The following LIN28B variants were observed in gnomAD, a reference collection of about 807,000 sequenced individuals.
LIN28B encodes the protein lin-28 RNA binding posttranscriptional regulator B.
Under a neutral mutation model 21.9 loss-of-function variants are expected in LIN28B, and 5 were observed. That is an observed-to-expected ratio of 0.23 (90% CI 0.12 to 0.48). The LOEUF is 0.48. Among genes scored for constraint, LIN28B ranks in the 20% least tolerant of loss-of-function variants. The pLI is 0.98. For missense variants in LIN28B, 245 were observed against 310.5 expected (o/e 0.79, Z 1.58); for synonymous variants, 109 against 111.3 (o/e 0.98, Z 0.13).
At chr6:104,947,767 G>A (rs191620439) in intron 2 of LIN28B, among the ~76,000 whole-genome samples, 7 of 144,580 alleles carry the variant, frequency 4.8e-5, no homozygotes, top group African/African-American at 1.0e-4. Context: ...AACATTTTGC[G>A]TACTTTTTTT....
At chr6:105,034,778 G>A (rs1771493311) in intron 3 of LIN28B, among the ~76,000 whole-genome samples, 1 of 152,036 alleles carries the variant, frequency 6.6e-6, no homozygotes, top group Non-Finnish European at 1.5e-5. Context: ...TATTTTTGTA[G>A]AGCCATAATT....
intron 2 of LIN28B, among the ~76,000 whole-genome samples, chr6:104,937,652 G>T (rs1315953557): frequency 6.6e-6 from 1 of 152,198 alleles, no homozygotes; most frequent in Middle Eastern, 3.4e-3. Context: ...CTTGTAATTC[G>T]TAAGTAAAAT....
intron 3 of LIN28B, among the ~76,000 whole-genome samples, chr6:105,040,588 A>T (rs1488581701): frequency 2.0e-5 from 3 of 152,026 alleles, no homozygotes; most frequent in Non-Finnish European, 4.4e-5. Flanking sequence ...TTGTATTTAC[A>T]TATAATGGGG....
intron 3 of LIN28B, among the ~76,000 whole-genome samples, chr6:105,065,969 C>G (rs1052527867): frequency 6.6e-6 from 1 of 152,128 alleles, no homozygotes; most frequent in Non-Finnish European, 1.5e-5. Flanking sequence ...CCTAGAAGTT[C>G]GAGACCAGCC....
intron 3 of LIN28B, among the ~76,000 whole-genome samples, chr6:105,072,339 A>G (rs997168609): frequency 1.8e-4 from 28 of 152,202 alleles, no homozygotes; most frequent in Non-Finnish European, 1.2e-4. Context: ...ATAACACATT[A>G]AAAACCTTTA....
At position 105,081,946 on chromosome 6, in the gene LIN28B, G is replaced by C. The variant is rs1424996556; in HGVS notation, c.*3163G>C. 6.6e-6 allele frequency: 1 copy of C among 152,606 alleles called. No individual in the cohort carries two copies. Among genetic ancestry groups the C allele is most frequent in the Non-Finnish European group, 1.5e-5 (1 of 68,046 alleles). The allele number at this position is 152,606 out of a possible 1,614,324, so 9.5% of individuals were successfully genotyped here. On this transcript the variant is annotated 3_prime_UTR_variant, in exon 4 of 4. Transcript: ENST00000345080. ...TAGCTATTGAGGGAAAAGGGTCTGT[G>C]TGAAGCATCACTTTGCAGGGATTAC...
intron 2 of LIN28B, among the ~76,000 whole-genome samples, chr6:104,961,451 AG>A (rs1371175873): frequency 1.3e-5 from 2 of 151,866 alleles, no homozygotes; most frequent in African/African-American, 4.8e-5. Flanking sequence ...CCCGGGCTGG[AG>A]TGCAGTGGTG....
At chr6:105,024,659 A>C (rs1040089610) in intron 2 of LIN28B, among the ~76,000 whole-genome samples, 1 of 152,206 alleles carries the variant, frequency 6.6e-6, no homozygotes, top group Non-Finnish European at 1.5e-5. Flanking sequence ...GAAAGATTTC[A>C]CTATGCCAGG....
intron 2 of LIN28B, among the ~76,000 whole-genome samples, chr6:104,943,418 T>A (rs138915282): frequency 8.1e-4 from 124 of 152,240 alleles, no homozygotes; most frequent in African/African-American, 2.8e-3. Flanking sequence ...GAGTGATGTC[T>A]CTTTAAAAAT....
chr6:104,943,974 A>G (rs981172668), intron 2 of LIN28B, among the ~76,000 whole-genome samples: 5 of 152,158 alleles, frequency 3.3e-5, no homozygotes, highest in African/African-American at 9.6e-5. Flanking sequence ...CTCTGACACA[A>G]TGATGCTCGA....
chr6:104,985,399 A>G (rs571055753), intron 2 of LIN28B, among the ~76,000 whole-genome samples: 1 of 152,314 alleles, frequency 6.6e-6, no homozygotes, highest in South Asian at 2.1e-4. Flanking sequence ...GGAACTTAAC[A>G]AGGTGTGTTT....
chr6:105,057,616 G>T (rs1339538400), intron 3 of LIN28B, among the ~76,000 whole-genome samples: 1 of 152,046 alleles, frequency 6.6e-6, no homozygotes, highest in Non-Finnish European at 1.5e-5. Context: ...GTATGGAATG[G>T]CTTAAAGCCA....
chr6:104,948,635 G>A (rs947348409), intron 2 of LIN28B, among the ~76,000 whole-genome samples: 2 of 152,036 alleles, frequency 1.3e-5, no homozygotes, highest in African/African-American at 4.8e-5. Context: ...ATATTTTACA[G>A]CTTATACCTG....
chr6:105,027,588 A>AT, intron 3 of LIN28B, among the ~76,000 whole-genome samples: 1 of 152,000 alleles, frequency 6.6e-6, no homozygotes, highest in East Asian at 1.9e-4. Context: ...TATAAAATAT[A>AT]TTTTATCTTT....
At chr6:105,028,786 C>T (rs1771357427) in intron 3 of LIN28B, among the ~76,000 whole-genome samples, 1 of 152,034 alleles carries the variant, frequency 6.6e-6, no homozygotes, top group Non-Finnish European at 1.5e-5. Flanking sequence ...AAAAAATTGG[C>T]AACATTTAGC....
chr6:104,956,676 A>G (rs954930187), upstream of LIN28B, among the ~76,000 whole-genome samples: 2 of 152,220 alleles, frequency 1.3e-5, no homozygotes, highest in South Asian at 4.1e-4. Context: ...AAGCAGGTTT[A>G]CTGCCATGGA....
chr6:105,038,995 G>C (rs541584499), intron 3 of LIN28B, among the ~76,000 whole-genome samples: 1 of 152,172 alleles, frequency 6.6e-6, no homozygotes, highest in Non-Finnish European at 1.5e-5. Flanking sequence ...TCTGGTGGAA[G>C]ATTGTTCATA....
intron 2 of LIN28B, among the ~76,000 whole-genome samples, chr6:104,985,199 A>T (rs545491130): frequency 6.6e-6 from 1 of 152,218 alleles, no homozygotes; most frequent in Non-Finnish European, 1.5e-5. Flanking sequence ...CAAATGAGAG[A>T]TTAACAAAAG....
chr6:105,053,714 C>CGTGTGTGT (rs59369365), intron 3 of LIN28B, among the ~76,000 whole-genome samples: 7,690 of 147,274 alleles, frequency 0.052, 217 homozygotes, highest in Non-Finnish European at 0.073. Context: ...TGTGTGGGTG[C>CGTGTGTGT]GTGTGTGTGT....
Sources: gnomAD v4.1 joint callset for allele counts (sites outside exome capture counted in the v4.1 genomes callset) on GRCh38, gnomAD v4.1.1 for gene constraint, MANE v1.5 for transcripts, NCBI Gene and HGNC (gene_info 2026-07-23, HGNC 2026-07-21) for gene names.